Variants in OLFM3 observed in about 807,000 individuals in gnomAD.
OLFM3 encodes noelin-3.
OLFM3 carries 20 observed loss-of-function variants against 48.6 expected under a neutral mutation model. The ratio of observed to expected loss-of-function variants is 0.41; its 90% confidence interval spans 0.29 to 0.60. The LOEUF is 0.60. Ranked by LOEUF, OLFM3 falls within the 20% of genes least tolerant of loss-of-function variation. OLFM3 has a pLI of 0.28. For missense variants in OLFM3, 437 were observed against 544.3 expected, an observed-to-expected ratio of 0.80 and a Z score of 1.96; for synonymous variants, 222 against 198.1, an observed-to-expected ratio of 1.12 and a Z score of -1.01.
chr1:101,828,052 C>CTG (rs747561274), intron 3 of OLFM3, among the ~76,000 whole-genome samples: 25,151 of 124,092 alleles, frequency 0.2, 2,356 homozygotes, highest in African/African-American at 0.26. Context: ...GTCTGTCTGT[C>CTG]TCTCTCTCTC....
chr1:101,858,943 A>C lies in OLFM3; in HGVS notation c.70-21918T>G, dbSNP rs192536833. Among the ~76,000 whole-genome samples, 23 of 152,206 alleles carry C rather than the reference A, an allele frequency of 1.5e-4. No individual in the cohort carries two copies. In the East Asian group the frequency reaches 4.4e-3, roughly 29 times the overall value. ...TAATTCCATTTGGGTGGGATAGAGG[A>C]GGCTTCAGAGGGATAGTGGATTTCC... is the stretch of plus-strand genomic sequence containing the variant. On this transcript the variant is annotated intron_variant, in intron 1 of 5. Transcript: ENST00000370103.
chr1:101,989,561 T>A (rs1321426637), intron 1 of OLFM3, among the ~76,000 whole-genome samples: 1 of 152,182 alleles, frequency 6.6e-6, no homozygotes, highest in African/African-American at 2.4e-5. Flanking sequence ...TGGGGTCTAT[T>A]CTAGATATTA....
intron 1 of OLFM3, among the ~76,000 whole-genome samples, chr1:101,846,135 C>T (rs1176307823): frequency 6.6e-6 from 1 of 152,092 alleles, no homozygotes; most frequent in African/African-American, 2.4e-5. Flanking sequence ...TTGCTTCAAA[C>T]TATCAGGAAA....
chr1:101,808,994 TA>T (rs1022712927), intron 4 of OLFM3, among the ~76,000 whole-genome samples: 26 of 151,120 alleles, frequency 1.7e-4, no homozygotes, highest in Admixed American at 1.5e-3. Context: ...ATAATTATAT[TA>T]AAAAATAGAT....
chr1:101,957,601 C>A (rs1399715941), intron 1 of OLFM3, among the ~76,000 whole-genome samples: 3 of 151,962 alleles, frequency 2.0e-5, no homozygotes, highest in Non-Finnish European at 4.4e-5. Flanking sequence ...TTGGTTATTG[C>A]ACAGGAATTA....
chr1:101,875,129 T>C (rs983849388), intron 1 of OLFM3, among the ~76,000 whole-genome samples: 5 of 151,988 alleles, frequency 3.3e-5, no homozygotes, highest in Non-Finnish European at 1.5e-5. Flanking sequence ...ATTAAATGAT[T>C]CTGTATAAAC....
At chr1:101,871,000 A>G (rs184031831) in intron 1 of OLFM3, among the ~76,000 whole-genome samples, 2 of 152,260 alleles carry the variant, frequency 1.3e-5, no homozygotes, top group East Asian at 3.9e-4. Context: ...TAATTCTAGT[A>G]AGAAATTTAG....
intron 1 of OLFM3, among the ~76,000 whole-genome samples, chr1:101,993,387 C>G (rs895112847): frequency 2.0e-5 from 3 of 151,966 alleles, no homozygotes; most frequent in African/African-American, 7.2e-5. Context: ...CACAGAGATG[C>G]CATCTAGCAG....
Position 101,822,266 on chromosome 1 carries a change from C to T in OLFM3, c.592+2760G>A, listed in dbSNP as rs568926927. ...ACAGAATACCTGTAGAAGGAAAGCTCATTTATAAAATTGAGCAAATCCCAG... is the reference window on the plus strand; with the variant it reads ...ACAGAATACCTGTAGAAGGAAAGCTTATTTATAAAATTGAGCAAATCCCAG... On this transcript the variant is annotated intron_variant, in intron 4 of 5. Transcript: ENST00000370103. Among the ~76,000 whole-genome samples, 7 of 152,202 alleles carry T rather than the reference C, an allele frequency of 4.6e-5. No homozygotes were observed. In the South Asian group the frequency reaches 1.4e-3, roughly 32 times the overall value.
At chr1:101,901,257 A>G (rs1238465452) in intron 1 of OLFM3, among the ~76,000 whole-genome samples, 1 of 152,134 alleles carries the variant, frequency 6.6e-6, no homozygotes, top group East Asian at 1.9e-4. Context: ...GGAAGACTTC[A>G]GAAAAATTGT....
chr1:101,940,085 G>GCT (rs1307286300), intron 1 of OLFM3, among the ~76,000 whole-genome samples: 2 of 152,228 alleles, frequency 1.3e-5, no homozygotes, highest in African/African-American at 4.8e-5. Flanking sequence ...TGGGCCAGTA[G>GCT]GAGTGTAATA....
At chr1:101,994,162 A>C (rs1661494047) in intron 1 of OLFM3, among the ~76,000 whole-genome samples, 1 of 151,302 alleles carries the variant, frequency 6.6e-6, no homozygotes, top group Admixed American at 6.6e-5. Context: ...GAGCTTTCCC[A>C]TTTTGCCAGT....
In OLFM3 at chr1:101,830,805, A is replaced by C. The variant is rs150051854; in HGVS notation, c.239T>G (p.Ile80Ser). Residue 80 changes from isoleucine to serine, a missense_variant, in exon 3 of 6, where the codon ATT (isoleucine) becomes AGT (serine). Physicochemically the swap from Ile to Ser is moderately radical, Grantham distance 142. Coordinates refer to ENST00000370103, the MANE Select transcript of OLFM3 (RefSeq NM_058170.4). ...LEKVQNMSQS[I>S]EVLNLRTQRD... Reference sequence around the variant, plus strand: ...CTGAGTTCTCAAGTTTAAGACTTCAATAGACTGGGACATGTTCTGAACCTG... The same window carrying C: ...CTGAGTTCTCAAGTTTAAGACTTCACTAGACTGGGACATGTTCTGAACCTG... 8.1e-6 allele frequency: 13 copies of C among 1,613,818 alleles called. No individual in the cohort carries two copies. The African/African-American group carries it at 1.7e-4, about 22-fold the overall frequency.
chr1:101,879,039 A>T (rs926023762), intron 1 of OLFM3, among the ~76,000 whole-genome samples: 2 of 151,884 alleles, frequency 1.3e-5, no homozygotes, highest in Admixed American at 6.6e-5. Context: ...CAGAGAAGGG[A>T]TAATTTGGAA....
intron 1 of OLFM3, among the ~76,000 whole-genome samples, chr1:101,883,838 C>A (rs1359398614): frequency 6.6e-6 from 1 of 151,752 alleles, no homozygotes; most frequent in Admixed American, 6.6e-5. Flanking sequence ...TTAAATACAT[C>A]CATGACATTC....
At chr1:101,897,169 T>G (rs1224374673) in intron 1 of OLFM3, among the ~76,000 whole-genome samples, 1 of 152,100 alleles carries the variant, frequency 6.6e-6, no homozygotes, top group East Asian at 1.9e-4. Flanking sequence ...TAATCTGTGA[T>G]AAGAAAAATA....
chr1:101,869,824 T>A (rs1657005483), intron 1 of OLFM3, among the ~76,000 whole-genome samples: 1 of 152,084 alleles, frequency 6.6e-6, no homozygotes, highest in Admixed American at 6.6e-5. Context: ...GTGTTTTCTC[T>A]CTCTTGCTGC....
intron 1 of OLFM3, among the ~76,000 whole-genome samples, chr1:101,919,048 A>G (rs960696237): frequency 6.6e-6 from 1 of 152,186 alleles, no homozygotes; most frequent in Admixed American, 6.5e-5. Context: ...ACTGTTACAT[A>G]TCAACCACCT....
intron 3 of OLFM3, among the ~76,000 whole-genome samples, chr1:101,826,813 G>A (rs1203075754): frequency 6.6e-6 from 1 of 152,130 alleles, no homozygotes; most frequent in Non-Finnish European, 1.5e-5. Context: ...GGATTTTAAT[G>A]AAAATATTTC....
Sources: gnomAD v4.1 joint callset for allele counts (sites outside exome capture counted in the v4.1 genomes callset) on GRCh38, gnomAD v4.1.1 for gene constraint, MANE v1.5 for transcripts, NCBI Gene and HGNC (gene_info 2026-07-23, HGNC 2026-07-21) for gene names.